The following ARHGAP6 variants were observed in gnomAD, a reference collection of about 807,000 sequenced individuals.
ARHGAP6 encodes rho GTPase-activating protein 6.
A neutral mutation model predicts 55.7 loss-of-function variants in ARHGAP6; 16 were observed. The observed-to-expected ratio is 0.29, with a 90% CI of 0.19 to 0.44. The LOEUF is 0.44. Ranked by LOEUF, ARHGAP6 falls within the 20% of genes least tolerant of loss-of-function variation. ARHGAP6 has a pLI of 1.00. For synonymous variants in ARHGAP6, 382 were observed against 360.9 expected (o/e 1.06, Z -0.66); for missense variants, 698 against 808.9 (o/e 0.86, Z 1.66).
At chrX:11,547,437 CA>C (rs769539510) in intron 1 of ARHGAP6, among the ~76,000 whole-genome samples, 32 of 111,167 alleles carry the variant, frequency 2.9e-4, no homozygotes, top group Non-Finnish European at 5.5e-4. Flanking sequence ...GTCCATGGCC[CA>C]CATTTGAAAT....
intron 2 of ARHGAP6, among the ~76,000 whole-genome samples, chrX:11,242,769 T>C (rs961984415): frequency 8.9e-6 from 1 of 111,930 alleles, no homozygotes; most frequent in African/African-American, 3.2e-5. Flanking sequence ...ATAAATATTC[T>C]AGGTGGTTAA....
intron 1 of ARHGAP6, among the ~76,000 whole-genome samples, chrX:11,644,782 T>C (rs764930302): frequency 8.0e-5 from 9 of 111,942 alleles, no homozygotes; most frequent in Non-Finnish European, 1.7e-4. Flanking sequence ...AATAGTTTGA[T>C]AGTTTCTCAT....
intron 1 of ARHGAP6, among the ~76,000 whole-genome samples, chrX:11,643,349 A>G (rs1338994472): frequency 1.8e-5 from 2 of 112,355 alleles, no homozygotes; most frequent in Non-Finnish European, 3.8e-5. Flanking sequence ...CTGAAGGACT[A>G]CTATTTACAA....
intron 2 of ARHGAP6, among the ~76,000 whole-genome samples, chrX:11,226,139 T>TC (rs2047044542): frequency 9.8e-6 from 1 of 101,753 alleles, no homozygotes; most frequent in Non-Finnish European, 2.0e-5. Flanking sequence ...CCCAATGCTA[T>TC]CCCTCCCCCG....
intron 1 of ARHGAP6, among the ~76,000 whole-genome samples, chrX:11,361,094 A>T (rs1337463474): frequency 7.3e-5 from 8 of 109,713 alleles, no homozygotes; most frequent in African/African-American, 2.7e-4. Context: ...TAATTTATAG[A>T]TTCAATGCCA....
intron 1 of ARHGAP6, among the ~76,000 whole-genome samples, chrX:11,289,418 A>C (rs1445678250): frequency 8.9e-6 from 1 of 111,762 alleles, no homozygotes; most frequent in South Asian, 3.7e-4. Flanking sequence ...AAAAGAAATA[A>C]ATTTAAACCT....
chrX:11,474,749 G>C (rs1029160994), intron 1 of ARHGAP6, among the ~76,000 whole-genome samples: 18 of 111,181 alleles, frequency 1.6e-4, no homozygotes, highest in African/African-American at 5.9e-4. Flanking sequence ...GGGCTTAGTG[G>C]GAAATGTTTG....
At chrX:11,279,077 T>C (rs1034858870) in intron 1 of ARHGAP6, among the ~76,000 whole-genome samples, 1 of 111,442 alleles carries the variant, frequency 9.0e-6, no homozygotes, top group Admixed American at 9.6e-5. Context: ...TCACAGATAA[T>C]GGCAATAACA....
At chrX:11,444,097 G>T (rs1412695805) in intron 1 of ARHGAP6, among the ~76,000 whole-genome samples, 3 of 111,943 alleles carry the variant, frequency 2.7e-5, no homozygotes, top group Non-Finnish European at 3.8e-5. Context: ...TAGAACAGAG[G>T]TTGGCAACAT....
intron 10 of ARHGAP6, among the ~76,000 whole-genome samples, chrX:11,150,358 G>A (rs923887118): frequency 3.6e-5 from 4 of 111,069 alleles, no homozygotes; most frequent in South Asian, 3.8e-4. Flanking sequence ...TCCCTTATGC[G>A]GAACTTAGGG....
intron 2 of ARHGAP6, among the ~76,000 whole-genome samples, chrX:11,216,024 C>T (rs1432723471): frequency 9.0e-6 from 1 of 111,326 alleles, no homozygotes; most frequent in African/African-American, 3.3e-5. Context: ...CACGTAGTGC[C>T]TTGTTTACTG....
chrX:11,384,986 A>G (rs181504980), intron 1 of ARHGAP6, among the ~76,000 whole-genome samples: 24 of 112,400 alleles, frequency 2.1e-4, no homozygotes, highest in African/African-American at 6.8e-4. Flanking sequence ...TTCAATAAAA[A>G]TTACATAAGA....
intron 1 of ARHGAP6, among the ~76,000 whole-genome samples, chrX:11,498,008 G>A (rs1190833000): frequency 9.0e-6 from 1 of 111,462 alleles, no homozygotes; most frequent in Non-Finnish European, 1.9e-5. Flanking sequence ...TATTGTTGCT[G>A]TAAGCTTGAA....
In ARHGAP6 at chrX:11,138,371, C is replaced by A; in HGVS notation, c.*492G>T. ...AAAGCTATGGCAAAAGCACAGAAAC[C>A]CGCTTGTGCACATTCTAGAACATTC... On this transcript the variant is annotated 3_prime_UTR_variant, in exon 13 of 13. Transcript: ENST00000337414. 1 of 113,328 alleles carries A rather than the reference C, an allele frequency of 8.8e-6. No individual in the cohort carries two copies. Among genetic ancestry groups the A allele is most frequent in the East Asian group, 2.8e-4 (1 of 3,614 alleles). The allele number at this position is 113,328 out of a possible 1,213,427, so 9.3% of individuals were successfully genotyped here.
intron 1 of ARHGAP6, among the ~76,000 whole-genome samples, chrX:11,590,450 T>C (rs1355462579): frequency 3.6e-4 from 30 of 83,636 alleles, no homozygotes; most frequent in Non-Finnish European, 5.4e-4. Flanking sequence ...AATTGTTGAA[T>C]TATTAAACAA....
intron 1 of ARHGAP6, among the ~76,000 whole-genome samples, chrX:11,336,102 G>C (rs2048634717): frequency 8.9e-6 from 1 of 112,193 alleles, no homozygotes; most frequent in Admixed American, 9.4e-5. Context: ...CTGCTAAATA[G>C]TTCAACCTGG....
chrX:11,275,814 A>G lies in ARHGAP6; in HGVS notation c.589-21107T>C, dbSNP rs573244469. ...CATGGTTAGGGTGAGGGGTGCTCTC[A>G]GCCCAAATGGCTTCCCCATGCCTTC... On this transcript the variant is annotated intron_variant, in intron 1 of 12. Coordinates refer to ENST00000337414, the MANE Select transcript of ARHGAP6 (RefSeq NM_013427.3). 5.3e-4 allele frequency among the ~76,000 whole-genome samples: 59 copies of G among 111,549 alleles called. 2 individuals are homozygous for G. In the South Asian group the frequency reaches 0.022, roughly 42 times the overall value.
intron 1 of ARHGAP6, among the ~76,000 whole-genome samples, chrX:11,521,546 T>C (rs757980057): frequency 8.9e-6 from 1 of 112,129 alleles, no homozygotes; most frequent in African/African-American, 3.2e-5. Context: ...TACCATGCTG[T>C]TTTGGTTACT....
intron 1 of ARHGAP6, among the ~76,000 whole-genome samples, chrX:11,429,901 G>C (rs1170381177): frequency 8.9e-6 from 1 of 112,025 alleles, no homozygotes; most frequent in Non-Finnish European, 1.9e-5. Context: ...CAGCCTGATG[G>C]GGGCACGTGT....
Sources: gnomAD v4.1 joint callset for allele counts (sites outside exome capture counted in the v4.1 genomes callset) on GRCh38, gnomAD v4.1.1 for gene constraint, MANE v1.5 for transcripts, NCBI Gene and HGNC (gene_info 2026-07-23, HGNC 2026-07-21) for gene names.